SEMA3A: variants seen among roughly 807,000 people sequenced by gnomAD.
SEMA3A encodes the protein semaphorin 3A.
Under a neutral mutation model 97.9 loss-of-function variants are expected in SEMA3A, and 29 were observed. That is an observed-to-expected ratio of 0.30 (90% CI 0.22 to 0.40). The LOEUF (loss-of-function observed/expected upper bound fraction) is 0.40. Ranked by LOEUF, SEMA3A falls within the 10% of genes least tolerant of loss-of-function variation. SEMA3A has a pLI of 1.00. For missense variants in SEMA3A, 763 were observed against 951.3 expected (o/e 0.80, Z 2.60); for synonymous variants, 321 against 323.7 (o/e 0.99, Z 0.09).
intron 9 of SEMA3A, among the ~76,000 whole-genome samples, chr7:84,009,258 T>G (rs1404477): frequency 0.23 from 35,485 of 152,090 alleles, 4,498 homozygotes; most frequent in African/African-American, 0.33. Flanking sequence ...AAGCAATGAG[T>G]AAACAGAAGA....
At chr7:84,193,949 T>C (rs1210559475) in intron 1 of SEMA3A, among the ~76,000 whole-genome samples, 1 of 152,142 alleles carries the variant, frequency 6.6e-6, no homozygotes, top group Non-Finnish European at 1.5e-5. Flanking sequence ...GTCTGTTCCA[T>C]CCAGTTTATG....
intron 3 of SEMA3A, among the ~76,000 whole-genome samples, chr7:84,283,922 T>C (rs1031889315): frequency 1.3e-5 from 2 of 152,154 alleles, no homozygotes; most frequent in African/African-American, 4.8e-5. Flanking sequence ...TTAAATTTTT[T>C]TCCTGGATAC....
At chr7:84,215,136 G>A (rs1393057246) in intron 3 of SEMA3A, among the ~76,000 whole-genome samples, 1 of 151,864 alleles carries the variant, frequency 6.6e-6, no homozygotes, top group Admixed American at 6.6e-5. Flanking sequence ...CTCCGAAAGT[G>A]TTGGGATTAC....
At chr7:84,144,593 A>G (rs1247560392) in intron 1 of SEMA3A, among the ~76,000 whole-genome samples, 1 of 152,150 alleles carries the variant, frequency 6.6e-6, no homozygotes, top group African/African-American at 2.4e-5. Context: ...GTACAAGGGA[A>G]GATATCAGGT....
chr7:84,267,641 A>C (rs1800040185), intron 3 of SEMA3A, among the ~76,000 whole-genome samples: 1 of 151,774 alleles, frequency 6.6e-6, no homozygotes, highest in Non-Finnish European at 1.5e-5. Flanking sequence ...ACAATTAACA[A>C]GATGATTTTG....
At chr7:84,013,920 T>C (rs1047351093) in intron 7 of SEMA3A, among the ~76,000 whole-genome samples, 1 of 151,938 alleles carries the variant, frequency 6.6e-6, no homozygotes, top group African/African-American at 2.4e-5. Flanking sequence ...TAAATTACCT[T>C]CTCCCAGGTA....
intron 2 of SEMA3A, among the ~76,000 whole-genome samples, chr7:84,320,329 T>G (rs888339657): frequency 6.6e-6 from 1 of 152,110 alleles, no homozygotes; most frequent in Non-Finnish European, 1.5e-5. Flanking sequence ...GGCTTTTTGC[T>G]TACTCTGTTA....
intron 12 of SEMA3A, among the ~76,000 whole-genome samples, chr7:83,997,276 T>A (rs1244493682): frequency 6.6e-6 from 1 of 152,184 alleles, no homozygotes. Context: ...TCCCTGACCT[T>A]TTTTATAGTA....
intron 3 of SEMA3A, among the ~76,000 whole-genome samples, chr7:84,251,497 T>C (rs770044385): frequency 3.9e-5 from 6 of 152,200 alleles, no homozygotes; most frequent in Non-Finnish European, 8.8e-5. Context: ...AGGACATCCA[T>C]GCTAAAGTGA....
chr7:84,473,158 G>GTGTGTGTGTGTGTA (rs1204826678), intron 1 of SEMA3A, among the ~76,000 whole-genome samples: 1 of 151,494 alleles, frequency 6.6e-6, no homozygotes, highest in Admixed American at 6.6e-5. Flanking sequence ...GTGTGTGTGT[G>GTGTGTGTGTGTGTA]TGTGTGTGTG....
At chr7:84,296,937 T>C (rs1435196198) in intron 3 of SEMA3A, among the ~76,000 whole-genome samples, 1 of 152,156 alleles carries the variant, frequency 6.6e-6, no homozygotes, top group Non-Finnish European at 1.5e-5. Context: ...TTCAGTAAGA[T>C]GGCTTTCTAA....
chr7:84,333,084 G>A (rs1380247003), intron 2 of SEMA3A, among the ~76,000 whole-genome samples: 1 of 151,918 alleles, frequency 6.6e-6, no homozygotes, highest in East Asian at 1.9e-4. Context: ...GTAATTGCTG[G>A]TCATGATGGA....
chr7:84,310,319 G>C (rs1159063152), intron 2 of SEMA3A, among the ~76,000 whole-genome samples: 1 of 150,834 alleles, frequency 6.6e-6, no homozygotes, highest in East Asian at 1.9e-4. Context: ...GAAATTATGT[G>C]AGCCAAGCAG....
upstream of SEMA3A, among the ~76,000 whole-genome samples, chr7:84,197,821 C>G (rs1424678397): frequency 2.0e-5 from 3 of 146,794 alleles, no homozygotes; most frequent in East Asian, 4.1e-4. Flanking sequence ...CTTACTGCAA[C>G]CTCGGCCTCC....
chr7:84,186,823 T>C (rs776951964), intron 1 of SEMA3A, among the ~76,000 whole-genome samples: 2 of 151,772 alleles, frequency 1.3e-5, no homozygotes, highest in Admixed American at 6.6e-5. Context: ...AATCTATAGA[T>C]CTATATATAA....
At chr7:84,449,923 T>A (rs1052883546) in intron 1 of SEMA3A, among the ~76,000 whole-genome samples, 2 of 152,214 alleles carry the variant, frequency 1.3e-5, no homozygotes, top group African/African-American at 4.8e-5. Flanking sequence ...TCCTTGTTTT[T>A]AAAAGCTAAT....
chr7:84,452,226 C>A (rs987213734), intron 1 of SEMA3A, among the ~76,000 whole-genome samples: 1 of 152,058 alleles, frequency 6.6e-6, no homozygotes, highest in Non-Finnish European at 1.5e-5. Flanking sequence ...AATAAATATA[C>A]TCAAAAGTTA....
rs78040503 is a variant in SEMA3A at position 84,171,902 on chromosome 7, C to T, written c.112+22573G>A. Among the ~76,000 whole-genome samples the T allele has an allele frequency of 1.1e-4, 16 of 152,192 alleles. No individual in the cohort carries two copies. In the East Asian group the frequency reaches 2.3e-3, roughly 22 times the overall value. On this transcript the variant is annotated intron_variant, in intron 1 of 16. Transcript: ENST00000265362. ...TGTGTCATGAGAATAACAATTCAAA[C>T]CATATCAGGCTGCTTCAAACAAGGG...
intron 1 of SEMA3A, among the ~76,000 whole-genome samples, chr7:84,463,641 G>A (rs1442708634): frequency 1.3e-5 from 2 of 152,010 alleles, no homozygotes; most frequent in African/African-American, 4.8e-5. Context: ...ATTCTTGTCA[G>A]TGTTAGAATT....
Sources: gnomAD v4.1 joint callset for allele counts (sites outside exome capture counted in the v4.1 genomes callset) on GRCh38, gnomAD v4.1.1 for gene constraint, MANE v1.5 for transcripts, NCBI Gene and HGNC (gene_info 2026-07-23, HGNC 2026-07-21) for gene names.